C14orf39: variants seen among roughly 807,000 people sequenced by gnomAD.
C14orf39 encodes protein SIX6OS1.
In C14orf39, 66 loss-of-function variants were observed where a neutral mutation model predicts 85.6. That is an observed-to-expected ratio of 0.77 (90% CI 0.63 to 0.95). The LOEUF is 0.95. C14orf39 is among the 40% of genes least tolerant of loss of function. C14orf39 has a pLI of 0.00. For missense variants in C14orf39, 735 were observed against 663.9 expected, an observed-to-expected ratio of 1.11 and a Z score of -1.18; for synonymous variants, 242 against 214.0, an observed-to-expected ratio of 1.13 and a Z score of -1.14.
chr14:60,446,491 T>C (rs1297803937), intron 16 of C14orf39, among the ~76,000 whole-genome samples: 1 of 152,124 alleles, frequency 6.6e-6, no homozygotes, highest in Non-Finnish European at 1.5e-5. Flanking sequence ...CTCCAAAGAC[T>C]AAACCAGGAA....
chr14:60,480,588 C>A (rs1317479284), intron 4 of C14orf39, among the ~76,000 whole-genome samples: 1 of 152,124 alleles, frequency 6.6e-6, no homozygotes, highest in African/African-American at 2.4e-5. Flanking sequence ...TATGATCCAG[C>A]CATCCCACTT....
intron 2 of C14orf39, chr14:60,494,096 G>A: frequency 3.2e-6 from 1 of 312,736 alleles, no homozygotes; most frequent in South Asian, 4.1e-5. Flanking sequence ...TGAGCATGCT[G>A]ATGTACTGGT....
At chr14:60,513,751 G>A (rs911513637) in intron 1 of C14orf39, among the ~76,000 whole-genome samples, 1 of 152,172 alleles carries the variant, frequency 6.6e-6, no homozygotes, top group South Asian at 2.1e-4. Context: ...TGTCCATTCC[G>A]CAGTGTCAAG....
At chr14:60,442,180 T>C (rs755788940) in intron 16 of C14orf39, 49 bp from the exon 17 acceptor site, 1 of 1,184,820 alleles carries the variant, frequency 8.4e-7, no homozygotes, top group Non-Finnish European at 1.3e-6. Context: ...AGTAGGACAG[T>C]ATATATAGTA....
At chr14:60,499,504 G>T (rs114140771) in intron 1 of C14orf39, 1 of 152,180 alleles carries the variant, frequency 6.6e-6, no homozygotes, top group Admixed American at 6.5e-5. Context: ...AGAAAACAAC[G>T]CTGTTAGATT....
intron 13 of C14orf39, 61 bp downstream of exon 13, chr14:60,461,293 T>TA: frequency 7.0e-7 from 1 of 1,424,570 alleles, no homozygotes; most frequent in Non-Finnish European, 9.8e-7. Context: ...TTGACTAATG[T>TA]AAAAACCTGA....
chr14:60,487,961 T>C (rs1032157317), upstream of C14orf39, among the ~76,000 whole-genome samples: 5 of 152,162 alleles, frequency 3.3e-5, no homozygotes, highest in Admixed American at 2.0e-4. Flanking sequence ...TTTAATCAGA[T>C]TGTTTGTTTT....
intron 2 of C14orf39, among the ~76,000 whole-genome samples, chr14:60,493,204 T>C (rs1004563756): frequency 6.6e-6 from 1 of 152,198 alleles, no homozygotes; most frequent in Non-Finnish European, 1.5e-5. Context: ...AATAAGCCCA[T>C]ATGAGGGTAT....
chr14:60,482,061 T>C (rs1892664701), intron 4 of C14orf39, among the ~76,000 whole-genome samples: 1 of 152,220 alleles, frequency 6.6e-6, no homozygotes, highest in Non-Finnish European at 1.5e-5. Context: ...TTATTTCACA[T>C]TTAAATCTCA....
intron 17 of C14orf39, among the ~76,000 whole-genome samples, chr14:60,437,643 A>C (rs1336188271): frequency 3.3e-5 from 5 of 152,014 alleles, no homozygotes; most frequent in Admixed American, 3.3e-4. Flanking sequence ...ACCAAAATAA[A>C]ATAAAAGTCT....
chr14:60,445,619 G>A (rs902549589), intron 16 of C14orf39, among the ~76,000 whole-genome samples: 3 of 151,928 alleles, frequency 2.0e-5, no homozygotes, highest in Admixed American at 6.6e-5. Context: ...AATGGGAGAC[G>A]TTAACACAAC....
chr14:60,482,429 T>A (rs1254755931), intron 4 of C14orf39, among the ~76,000 whole-genome samples: 1 of 152,228 alleles, frequency 6.6e-6, no homozygotes, highest in Non-Finnish European at 1.5e-5. Context: ...TGTTTTTTAA[T>A]AATTCATTTT....
chr14:60,509,169 C>T (rs1324165544), intron 1 of C14orf39: 10 of 566,172 alleles, frequency 1.8e-5, no homozygotes, highest in Non-Finnish European at 3.1e-5. Flanking sequence ...GCTCGCCTGC[C>T]GGCGTGCCTG....
Position 60,461,347 on chromosome 14 carries a change from C to A in C14orf39, c.1117+7G>T. ...CTTCTTAGAAGAAAAATATAAACGG[C>A]AAATACCTTTATCCCCTTTTTCCGA... On this transcript the variant is annotated splice_region_variant and intron_variant, in intron 13 of 17. Transcript: ENST00000321731. 1 of 1,608,648 alleles carries A rather than the reference C, an allele frequency of 6.2e-7. No individual in the cohort carries two copies. The highest frequency in any genetic ancestry group is 8.5e-7 in the Non-Finnish European group (1 of 1,176,636).
chr14:60,458,264 G>A (rs967426235), intron 14 of C14orf39, among the ~76,000 whole-genome samples: 3 of 151,622 alleles, frequency 2.0e-5, no homozygotes, highest in Non-Finnish European at 2.9e-5. Context: ...GCTTCTCTAC[G>A]TTCCTTCTTC....
intron 1 of C14orf39, among the ~76,000 whole-genome samples, chr14:60,508,217 A>G (rs1414862759): frequency 6.6e-6 from 1 of 152,234 alleles, no homozygotes; most frequent in Non-Finnish European, 1.5e-5. Context: ...AAGTTCTAAC[A>G]CAAGGTAGGG....
Position 60,465,972 on chromosome 14 carries a change from C to A in C14orf39, c.972+7G>T. 6.6e-7 allele frequency: 1 copy of A among 1,515,718 alleles called. No individual in the cohort carries two copies. The highest frequency in any genetic ancestry group is 8.9e-7 in the Non-Finnish European group (1 of 1,126,346). The allele number at this position is 1,515,718 out of a possible 1,614,324, so 93.9% of individuals were successfully genotyped here. On this transcript the variant is annotated splice_region_variant and intron_variant, in intron 11 of 17. Coordinates refer to ENST00000321731, the MANE Select transcript of C14orf39 (RefSeq NM_174978.3). Reference sequence around the variant, plus strand: ...TTAATTTATACTACTAAAAGTGAGACACCTACCTGTGTATCATTTTCTTTT... The same window carrying A: ...TTAATTTATACTACTAAAAGTGAGAAACCTACCTGTGTATCATTTTCTTTT...
intron 1 of C14orf39, among the ~76,000 whole-genome samples, chr14:60,499,656 G>A (rs1246023207): frequency 6.6e-6 from 1 of 152,234 alleles, no homozygotes; most frequent in African/African-American, 2.4e-5. Context: ...GGCCCCTAAG[G>A]CAGAACTGGA....
intron 1 of C14orf39, among the ~76,000 whole-genome samples, chr14:60,510,757 CG>C (rs1893278443): frequency 6.6e-6 from 1 of 152,234 alleles, no homozygotes; most frequent in Admixed American, 6.5e-5. Flanking sequence ...ACCCACACTT[CG>C]TTTATTTCCT....
Sources: gnomAD v4.1 joint callset for allele counts (sites outside exome capture counted in the v4.1 genomes callset) on GRCh38, gnomAD v4.1.1 for gene constraint, MANE v1.5 for transcripts, NCBI Gene and HGNC (gene_info 2026-07-23, HGNC 2026-07-21) for gene names.